Variants in RETREG1 observed in about 807,000 individuals in gnomAD.
RETREG1 encodes family with sequence similarity 134 member B.
A neutral mutation model predicts 54.8 loss-of-function variants in RETREG1; 44 were observed. That is an observed-to-expected ratio of 0.80 (90% CI 0.63 to 1.03). RETREG1 has a LOEUF of 1.03. Ranked by LOEUF, RETREG1 falls within the 50% of genes least tolerant of loss-of-function variation. RETREG1 has a pLI of 0.00. For synonymous variants in RETREG1, 217 were observed against 238.5 expected (o/e 0.91, Z 0.83); for missense variants, 554 against 605.1 (o/e 0.92, Z 0.89).
chr5:16,554,105 C>T (rs1020599669), intron 3 of RETREG1, among the ~76,000 whole-genome samples: 1 of 152,226 alleles, frequency 6.6e-6, no homozygotes, highest in Non-Finnish European at 1.5e-5. Flanking sequence ...GAGCTTGCCT[C>T]TGAGCCTCAA....
At chr5:16,534,972 G>T (rs964688797) in intron 3 of RETREG1, among the ~76,000 whole-genome samples, 2 of 152,210 alleles carry the variant, frequency 1.3e-5, no homozygotes, top group African/African-American at 4.8e-5. Context: ...AGAGAAACAT[G>T]CTGTCTGCCT....
rs1742854890 is a variant in RETREG1, at chr5:16,594,807, T to C, written c.320+21845A>G. On this transcript the variant is annotated intron_variant, in intron 1 of 8. Transcript: ENST00000306320. The surrounding 1 kb of genome is among the most constrained non-coding windows in gnomAD (Gnocchi z 4.4). ...TGGCTAAAAGTCTCTCACTAAAGGTTTCTGATGTGACAGATGACATAATGA... is the reference window on the plus strand; with the variant it reads ...TGGCTAAAAGTCTCTCACTAAAGGTCTCTGATGTGACAGATGACATAATGA... 6.6e-6 allele frequency among the ~76,000 whole-genome samples: 1 copy of C among 152,234 alleles called. No individual in the cohort carries two copies. Among genetic ancestry groups the C allele is most frequent in the Admixed American group, 6.5e-5 (1 of 15,284 alleles).
At chr5:16,545,111 C>G (rs1187861158) in intron 3 of RETREG1, among the ~76,000 whole-genome samples, 1 of 152,150 alleles carries the variant, frequency 6.6e-6, no homozygotes, top group Non-Finnish European at 1.5e-5. Flanking sequence ...GCACAGCTCA[C>G]CTCTCCAGTA....
At chr5:16,506,859 A>C (rs1739979496) in intron 3 of RETREG1, among the ~76,000 whole-genome samples, 2 of 152,198 alleles carry the variant, frequency 1.3e-5, no homozygotes, top group African/African-American at 4.8e-5. Flanking sequence ...TACAGGTAGT[A>C]GGGGGAGGTG....
chr5:16,494,185 C>A (rs901325451), intron 3 of RETREG1, among the ~76,000 whole-genome samples: 2 of 152,096 alleles, frequency 1.3e-5, no homozygotes, highest in Non-Finnish European at 2.9e-5. Context: ...CCTCAGTCTC[C>A]CTCAATAGCA....
chr5:16,599,232 T>A lies in RETREG1; in HGVS notation c.320+17420A>T, dbSNP rs185834243. 2.8e-3 allele frequency among the ~76,000 whole-genome samples: 426 copies of A among 152,204 alleles called. 3 individuals are homozygous for A. The highest frequency in any genetic ancestry group is 9.9e-3 in the African/African-American group (412 of 41,534). On this transcript the variant is annotated intron_variant, in intron 1 of 8. Transcript: ENST00000306320. ...AATAAAAAGGAAAAAATAAGTAAAT[T>A]TTTTACAAATAAAAAGAAATGCTGT...
intron 3 of RETREG1, among the ~76,000 whole-genome samples, chr5:16,488,807 G>A (rs1561083858): frequency 1.3e-5 from 2 of 152,096 alleles, no homozygotes; most frequent in Non-Finnish European, 2.9e-5. Flanking sequence ...ACCTTAGGCC[G>A]GGCGTGGTGG....
At chr5:16,511,503 C>A (rs1203853505) in intron 3 of RETREG1, among the ~76,000 whole-genome samples, 1 of 152,216 alleles carries the variant, frequency 6.6e-6, no homozygotes, top group Non-Finnish European at 1.5e-5. Flanking sequence ...TATAACCCCA[C>A]AGTAGGTCAA....
At chr5:16,551,520 C>T (rs2126616293) in intron 3 of RETREG1, among the ~76,000 whole-genome samples, 1 of 152,210 alleles carries the variant, frequency 6.6e-6, no homozygotes, top group East Asian at 1.9e-4. Context: ...CCAGTAAGGA[C>T]ATTCTCCCAG....
At chr5:16,506,981 G>C (rs1301597785) in intron 3 of RETREG1, among the ~76,000 whole-genome samples, 2 of 152,100 alleles carry the variant, frequency 1.3e-5, no homozygotes, top group Non-Finnish European at 2.9e-5. Context: ...ATGGTTATGT[G>C]AATGTATAGC....
At chr5:16,503,814 A>G (rs1739830094) in intron 3 of RETREG1, among the ~76,000 whole-genome samples, 1 of 152,218 alleles carries the variant, frequency 6.6e-6, no homozygotes, top group South Asian at 2.1e-4. Flanking sequence ...CTTGGCCCAC[A>G]ATCAATGGTA....
chr5:16,569,978 C>T (rs974302528), intron 2 of RETREG1, among the ~76,000 whole-genome samples: 1 of 152,226 alleles, frequency 6.6e-6, no homozygotes, highest in Non-Finnish European at 1.5e-5. Flanking sequence ...ATGGATCCTT[C>T]CTTAGAGACT....
chr5:16,544,272 A>G (rs953163473), intron 3 of RETREG1, among the ~76,000 whole-genome samples: 1 of 152,178 alleles, frequency 6.6e-6, no homozygotes, highest in African/African-American at 2.4e-5. Context: ...CACCATGCCC[A>G]GCCTATTGCC....
At chr5:16,523,807 C>A (rs1320814715) in intron 3 of RETREG1, among the ~76,000 whole-genome samples, 2 of 152,128 alleles carry the variant, frequency 1.3e-5, no homozygotes, top group African/African-American at 2.4e-5. Flanking sequence ...TTTGTCCAAT[C>A]ATTTATTTCC....
At chr5:16,579,200 T>G (rs1742418454) in intron 1 of RETREG1, among the ~76,000 whole-genome samples, 1 of 152,210 alleles carries the variant, frequency 6.6e-6, no homozygotes, top group African/African-American at 2.4e-5. Flanking sequence ...AGGACTGTTC[T>G]AAGAGCTTTA....
chr5:16,475,937 C>A (rs1455756783), intron 8 of RETREG1, among the ~76,000 whole-genome samples: 1 of 152,154 alleles, frequency 6.6e-6, no homozygotes, highest in Non-Finnish European at 1.5e-5. Flanking sequence ...CTCCCTGCAA[C>A]AGTGATTTGA....
At chr5:16,489,313 T>G (rs1401938503) in intron 3 of RETREG1, among the ~76,000 whole-genome samples, 1 of 152,196 alleles carries the variant, frequency 6.6e-6, no homozygotes, top group African/African-American at 2.4e-5. Flanking sequence ...CAAAACAATG[T>G]TTAAATATTA....
In RETREG1 at chr5:16,535,182, T is replaced by C. The variant is rs146306709; in HGVS notation, c.458+30581A>G. ...AAAGATATTTATATTTTATACTGTA[T>C]ATTTTATAAACGTACAGATTTTCCG... On this transcript the variant is annotated intron_variant, in intron 3 of 8. Coordinates refer to ENST00000306320, the MANE Select transcript of RETREG1 (RefSeq NM_001034850.3). 3.9e-5 allele frequency among the ~76,000 whole-genome samples: 6 copies of C among 152,384 alleles called. No homozygotes were observed. In the East Asian group the frequency reaches 9.6e-4, roughly 24 times the overall value.
intron 3 of RETREG1, among the ~76,000 whole-genome samples, chr5:16,485,771 G>A (rs1561082280): frequency 6.6e-6 from 1 of 152,020 alleles, no homozygotes; most frequent in Non-Finnish European, 1.5e-5. Context: ...TTTTCCACAG[G>A]GGACTTCAAG....
Sources: allele counts gnomAD v4.1 joint callset (sites outside exome capture counted in the v4.1 genomes callset), GRCh38; gene constraint gnomAD v4.1.1; non-coding constraint Gnocchi (gnomAD v3.1); transcripts MANE v1.5; gene names NCBI Gene and HGNC (gene_info 2026-07-23, HGNC 2026-07-21).